The following HRH2 variants were observed in gnomAD, a reference collection of about 807,000 sequenced individuals.
HRH2 encodes histamine H2 receptor.
HRH2 carries 4 observed loss-of-function variants against 20.1 expected under a neutral mutation model. The ratio of observed to expected loss-of-function variants is 0.20; its 90% confidence interval spans 0.10 to 0.45. HRH2 has a LOEUF of 0.45. Among genes scored for constraint, HRH2 ranks in the 20% least tolerant of loss-of-function variants. HRH2 has a pLI of 0.99. For synonymous variants in HRH2, 197 were observed against 200.7 expected (o/e 0.98, Z 0.16); for missense variants, 250 against 461.6 (o/e 0.54, Z 4.20).
At chr5:175,702,839 T>C (rs993172208) in intron 2 of HRH2, among the ~76,000 whole-genome samples, 18 of 151,756 alleles carry the variant, frequency 1.2e-4, no homozygotes, top group Non-Finnish European at 4.4e-5. Flanking sequence ...AGTGCTGGGA[T>C]TACAGGCGTG....
chr5:175,665,389 G>T (rs1179636483), intron 1 of HRH2, among the ~76,000 whole-genome samples: 1 of 152,164 alleles, frequency 6.6e-6, no homozygotes, highest in East Asian at 1.9e-4. Context: ...ACAGAAGTGT[G>T]AGAATTAAAG....
intron 2 of HRH2, chr5:175,685,270 C>T (rs902933099): frequency 4.3e-6 from 3 of 701,336 alleles, no homozygotes; most frequent in South Asian, 2.1e-5. Context: ...TGAGTGGCAC[C>T]GAGGAAGCTC....
intron 1 of HRH2, among the ~76,000 whole-genome samples, chr5:175,661,342 G>A (rs1762731674): frequency 6.6e-6 from 1 of 152,278 alleles, no homozygotes; most frequent in Admixed American, 6.5e-5. Context: ...AGTAATAGGG[G>A]CACCTCTATG....
chr5:175,664,280 A>C (rs1296642249), intron 1 of HRH2, among the ~76,000 whole-genome samples: 1 of 152,206 alleles, frequency 6.6e-6, no homozygotes, highest in African/African-American at 2.4e-5. Context: ...AGGGCCATTC[A>C]TTCACACATT....
chr5:175,684,416 AG>A, intron 2 of HRH2, 107 bp downstream of exon 2: 1 of 1,482,864 alleles, frequency 6.7e-7, no homozygotes, highest in Non-Finnish European at 9.1e-7. Flanking sequence ...TTTATGTTCT[AG>A]GAACTCTTCA....
At position 175,683,558 on chromosome 5, in the gene HRH2, C is replaced by A; in HGVS notation, c.325C>A (p.Leu109Ile). 6.2e-7 allele frequency: 1 copy of A among 1,614,210 alleles called. No individual in the cohort carries two copies. The highest frequency in any genetic ancestry group is 8.5e-7 in the Non-Finnish European group (1 of 1,180,048). Reference sequence around the variant, plus strand: ...GCTCTGCACAGCCTCCATTCTTAACCTCTTCATGATCAGCCTCGACCGGTA... The same window carrying A: ...GCTCTGCACAGCCTCCATTCTTAACATCTTCATGATCAGCCTCGACCGGTA... Reference protein sequence around the residue: ...VMLCTASILNLFMISLDRYCA... With the variant: ...VMLCTASILNIFMISLDRYCA... Residue 109 changes from leucine (L) to isoleucine (I), a missense_variant, in exon 2 of 3, where the codon CTC becomes ATC. By Grantham distance (5) the Leu-to-Ile change is conservative. This residue lies in a region of HRH2 where 86 missense variants were observed against 176.4 expected (regional missense o/e 0.49). Transcript: ENST00000636584.
At chr5:175,690,352 G>T (rs759927722) in intron 2 of HRH2, among the ~76,000 whole-genome samples, 28 of 152,186 alleles carry the variant, frequency 1.8e-4, no homozygotes, top group Non-Finnish European at 2.9e-4. Flanking sequence ...CCTCAGGCAA[G>T]TCACTCTCCA....
Position 175,707,757 on chromosome 5 carries a change from G to T in HRH2, c.1077-22G>T, listed in dbSNP as rs1581474487. ...CTTGCTCTGTGGCCACCTCAGCCTG[G>T]CATGTGCTTGTGTCTCCTCAGGAAG... On this transcript the variant is annotated intron_variant, in intron 2 of 2. Coordinates refer to ENST00000636584, the MANE Select transcript of HRH2 (RefSeq NM_001367711.1). 8.1e-5 allele frequency: 30 copies of T among 370,356 alleles called. No individual in the cohort carries two copies. In the East Asian group the frequency reaches 1.2e-3, roughly 14 times the overall value. 22.9% of individuals were successfully genotyped at this position (370,356 alleles called of 1,614,324 possible).
At chr5:175,685,527 T>G (rs1756141074) in intron 2 of HRH2, 1 of 1,490,030 alleles carries the variant, frequency 6.7e-7, no homozygotes, top group African/African-American at 1.4e-5. Flanking sequence ...GGAATTATGA[T>G]GAATACTGGG....
chr5:175,673,503 C>T (rs1002978575), intron 1 of HRH2, among the ~76,000 whole-genome samples: 5 of 152,010 alleles, frequency 3.3e-5, no homozygotes, highest in Non-Finnish European at 4.4e-5. Context: ...AGCAGGTCGG[C>T]GGCTGCCAGG....
chr5:175,688,260 C>T (rs1319603773), intron 2 of HRH2, among the ~76,000 whole-genome samples: 3 of 152,200 alleles, frequency 2.0e-5, no homozygotes, highest in Non-Finnish European at 2.9e-5. Flanking sequence ...CGTAAGGTAA[C>T]GTTCTCAAGG....
Position 175,708,066 on chromosome 5 carries a change from C to T in HRH2, c.*95C>T, listed in dbSNP as rs1757001517. 2.5e-6 allele frequency: 1 copy of T among 398,350 alleles called. No homozygotes were observed. Among genetic ancestry groups the T allele is most frequent in the African/African-American group, 2.1e-5 (1 of 48,644 alleles). The allele number at this position is 398,350 out of a possible 1,614,324, so 24.7% of individuals were successfully genotyped here. On this transcript the variant is annotated 3_prime_UTR_variant, in exon 3 of 3. Coordinates refer to ENST00000636584, the MANE Select transcript of HRH2 (RefSeq NM_001367711.1). ...CCAGTCTCCAAAGCCACCAAGGACT[C>T]ACCCTGGACTGAATCTGGGGGCTCC... is the stretch of plus-strand genomic sequence containing the variant.
chr5:175,658,291 C>T (rs1762626354), intron 1 of HRH2, 136 bp downstream of exon 1: 1 of 152,158 alleles, frequency 6.6e-6, no homozygotes, highest in Admixed American at 6.5e-5. Context: ...GCCCCGAACC[C>T]GGGTTCGAGC....
Position 175,683,440 on chromosome 5 carries a change from C to T in HRH2, c.207C>T (p.Leu69=), listed in dbSNP as rs771454904. Residue 69 remains leucine, a synonymous_variant, in exon 2 of 3, where the codon CTC becomes CTT. Coordinates refer to ENST00000636584, the MANE Select transcript of HRH2 (RefSeq NM_001367711.1). The part of the protein sequence containing the change: ...SLAITDLLLG[L]LVLPFSAIYQ... ...CTATCACTGACCTGCTCCTCGGCCT[C>T]CTGGTGCTGCCCTTCTCTGCCATCT... The T allele has an allele frequency of 6.8e-6, 11 of 1,614,238 alleles. No homozygotes were observed. The East Asian group carries it at 2.5e-4, about 36-fold the overall frequency.
At chr5:175,666,619 C>T (rs1263690237) in intron 1 of HRH2, among the ~76,000 whole-genome samples, 1 of 152,038 alleles carries the variant, frequency 6.6e-6, no homozygotes, top group African/African-American at 2.4e-5. Context: ...TTTGTAGAGA[C>T]AAGGTTTCAC....
intron 1 of HRH2, among the ~76,000 whole-genome samples, chr5:175,679,133 T>A (rs1223437520): frequency 6.6e-6 from 1 of 152,180 alleles, no homozygotes; most frequent in African/African-American, 2.4e-5. Flanking sequence ...CTCATCTTCT[T>A]CACCACCAGA....
rs757849139 is a variant in HRH2, at chr5:175,683,748, C to T, written c.515C>T (p.Ser172Phe). The change falls in exon 2 of 3, where the codon TCT (serine) becomes TTT (phenylalanine). Residue 172 changes from serine (S) to phenylalanine (F), a missense_variant. Physicochemically the swap from Ser to Phe is radical, Grantham distance 155. Coordinates refer to ENST00000636584, the MANE Select transcript of HRH2 (RefSeq NM_001367711.1). ...ACCAGCAAGGGCAATCATACCACCT[C>T]TAAGTGCAAAGTCCAGGTCAATGAA... is the stretch of plus-strand genomic sequence containing the variant. ...NETSKGNHTT[S>F]KCKVQVNEVY... 3.0e-5 allele frequency: 48 copies of T among 1,614,082 alleles called. No homozygotes were observed. The highest frequency in any genetic ancestry group is 3.5e-5 in the Non-Finnish European group (41 of 1,180,052).
Position 175,683,128 on chromosome 5 carries a change from A to C in HRH2, c.-106A>C. ...AAAAAAAAAACTGGACACATTTTGG[A>C]TCTGTTGGGAGCTTGGAGTCCAGTG... is the stretch of plus-strand genomic sequence containing the variant. On this transcript the variant is annotated 5_prime_UTR_variant, in exon 2 of 3. Coordinates refer to ENST00000636584, the MANE Select transcript of HRH2 (RefSeq NM_001367711.1). 3 of 829,138 alleles carry C rather than the reference A, an allele frequency of 3.6e-6. No homozygotes were observed. The highest frequency in any genetic ancestry group is 5.4e-6 in the Non-Finnish European group (3 of 555,696). 51.4% of individuals were successfully genotyped at this position (829,138 alleles called of 1,614,324 possible). A position where few individuals can be genotyped will look rare whatever the true frequency, so the allele number is the denominator to read the frequency against.
intron 2 of HRH2, among the ~76,000 whole-genome samples, chr5:175,704,713 T>G (rs989291275): frequency 6.6e-6 from 1 of 152,162 alleles, no homozygotes; most frequent in Non-Finnish European, 1.5e-5. Context: ...ATTGTTGTCA[T>G]GAATGAGAAA....
Sources: allele counts gnomAD v4.1 joint callset (sites outside exome capture counted in the v4.1 genomes callset), GRCh38; gene constraint gnomAD v4.1.1; regional missense constraint gnomAD v4.1.1; transcripts MANE v1.5; gene names NCBI Gene and HGNC (gene_info 2026-07-23, HGNC 2026-07-21).